NRG1: variants seen among roughly 807,000 people sequenced by gnomAD.
NRG1 encodes neuregulin 1.
In NRG1, 18 loss-of-function variants were observed where a neutral mutation model predicts 63.8. The ratio of observed to expected loss-of-function variants is 0.28; its 90% CI spans 0.19 to 0.42. NRG1 has a LOEUF of 0.42. Ranked by LOEUF, NRG1 falls within the 10% of genes least tolerant of loss-of-function variation. The pLI, the probability that NRG1 is intolerant of heterozygous loss-of-function variation, is 1.00. For synonymous variants in NRG1, 302 were observed against 301.3 expected (o/e 1.00, Z -0.02); for missense variants, 762 against 814.7 (o/e 0.94, Z 0.79).
chr8:32,670,494 T>C (rs1805354996), intron 5 of NRG1, among the ~76,000 whole-genome samples: 1 of 152,038 alleles, frequency 6.6e-6, no homozygotes, highest in Non-Finnish European at 1.5e-5. Context: ...ATTCCGTTCT[T>C]ATCCACTCTC....
intron 1 of NRG1, among the ~76,000 whole-genome samples, chr8:31,924,974 G>A (rs946689540): frequency 6.6e-6 from 1 of 151,408 alleles, no homozygotes; most frequent in African/African-American, 2.4e-5. Context: ...TGGATTGTAT[G>A]ATTTTGGTGC....
chr8:32,751,269 T>G (rs1360746672), intron 7 of NRG1: 2 of 152,120 alleles, frequency 1.3e-5, no homozygotes, highest in African/African-American at 4.8e-5. Flanking sequence ...CTCAGAAAGG[T>G]AAGGGCTCTG....
At chr8:32,143,268 G>A (rs149560132) in intron 1 of NRG1, among the ~76,000 whole-genome samples, 1 of 152,060 alleles carries the variant, frequency 6.6e-6, no homozygotes, top group Non-Finnish European at 1.5e-5. Flanking sequence ...TAATTCACAT[G>A]TGCTAATATT....
chr8:32,190,723 AAGT>A (rs1842412378), intron 1 of NRG1, among the ~76,000 whole-genome samples: 2 of 152,290 alleles, frequency 1.3e-5, no homozygotes, highest in South Asian at 4.1e-4. Context: ...CCTAATGAGT[AAGT>A]CTACCACATG....
chr8:32,679,192 A>G (rs577638012), intron 5 of NRG1, among the ~76,000 whole-genome samples: 6 of 152,286 alleles, frequency 3.9e-5, no homozygotes, highest in Non-Finnish European at 7.4e-5. Flanking sequence ...TTCTAGACAA[A>G]TGACTGATTA....
intron 1 of NRG1, among the ~76,000 whole-genome samples, chr8:31,966,448 T>A (rs893071550): frequency 6.6e-6 from 1 of 152,244 alleles, no homozygotes; most frequent in Non-Finnish European, 1.5e-5. Context: ...TGAAGACATT[T>A]GATAGTTAGC....
intron 1 of NRG1, among the ~76,000 whole-genome samples, chr8:32,520,424 G>A (rs1340567511): frequency 6.6e-6 from 1 of 151,826 alleles, no homozygotes; most frequent in Non-Finnish European, 1.5e-5. Context: ...TTCTCAAAGA[G>A]CTGGGATTAC....
At chr8:32,657,503 G>A (rs1405683567) in intron 5 of NRG1, among the ~76,000 whole-genome samples, 1 of 152,126 alleles carries the variant, frequency 6.6e-6, no homozygotes, top group Non-Finnish European at 1.5e-5. Flanking sequence ...ATGGTTAGTG[G>A]GAGAGAGTGA....
intron 1 of NRG1, among the ~76,000 whole-genome samples, chr8:31,992,150 C>T (rs1431748340): frequency 6.6e-6 from 1 of 151,450 alleles, no homozygotes; most frequent in East Asian, 2.0e-4. Context: ...GCCTGAGCAA[C>T]ATAGTGAGAT....
At chr8:32,526,689 C>T (rs957844804) in intron 1 of NRG1, among the ~76,000 whole-genome samples, 1 of 152,192 alleles carries the variant, frequency 6.6e-6, no homozygotes, top group African/African-American at 2.4e-5. Context: ...CCATCTTGCA[C>T]AATCCAGTGA....
At chr8:32,251,537 T>A (rs1421249064) in intron 1 of NRG1, among the ~76,000 whole-genome samples, 2 of 152,212 alleles carry the variant, frequency 1.3e-5, no homozygotes, top group African/African-American at 4.8e-5. Flanking sequence ...TGTGTCTTTA[T>A]AATAGAGTGA....
chr8:32,567,687 C>T lies in NRG1; in HGVS notation c.100+18861C>T, dbSNP rs114133674. ...TGTTGTGTTTTATTGCCCTGGCACTCTTAAGTTGCTGTTTCACCCTAGCAG... is the reference window on the plus strand; with the variant it reads ...TGTTGTGTTTTATTGCCCTGGCACTTTTAAGTTGCTGTTTCACCCTAGCAG... On this transcript the variant is annotated intron_variant, in intron 1 of 11. Transcript: ENST00000356819. Among the ~76,000 whole-genome samples the T allele has an allele frequency of 8.7e-3, 1,322 of 152,318 alleles. 17 individuals carry two copies. The highest frequency in any genetic ancestry group is 0.029 in the African/African-American group (1,213 of 41,570).
At chr8:32,058,368 C>A (rs1823310674) in intron 1 of NRG1, among the ~76,000 whole-genome samples, 1 of 151,960 alleles carries the variant, frequency 6.6e-6, no homozygotes, top group African/African-American at 2.4e-5. Context: ...CCTGGCACAA[C>A]ACATGCATTG....
intron 1 of NRG1, among the ~76,000 whole-genome samples, chr8:31,834,243 A>G (rs75060108): frequency 0.014 from 2,054 of 151,794 alleles, 57 homozygotes; most frequent in African/African-American, 0.047. Context: ...ACTTGGTAAT[A>G]CTGTTCATCT....
At chr8:31,958,440 G>A (rs327400) in intron 1 of NRG1, among the ~76,000 whole-genome samples, 3,261 of 152,242 alleles carry the variant, frequency 0.021, 106 homozygotes, top group African/African-American at 0.074. Flanking sequence ...TTCCCATTGT[G>A]TGGCTCTGTT....
chr8:31,975,388 G>T (rs1808001936), intron 1 of NRG1, among the ~76,000 whole-genome samples: 1 of 152,088 alleles, frequency 6.6e-6, no homozygotes, highest in Non-Finnish European at 1.5e-5. Context: ...TGGGGAAGGG[G>T]TTATGTTCTG....
intron 1 of NRG1, among the ~76,000 whole-genome samples, chr8:32,173,994 T>G (rs530631530): frequency 6.6e-6 from 1 of 152,116 alleles, no homozygotes; most frequent in Non-Finnish European, 1.5e-5. Flanking sequence ...GCAGACCTAA[T>G]AGACATCTAC....
intron 1 of NRG1, among the ~76,000 whole-genome samples, chr8:31,741,739 A>G (rs1402099509): frequency 2.0e-5 from 3 of 152,018 alleles, no homozygotes; most frequent in Admixed American, 1.3e-4. Flanking sequence ...ATGAGAAGCA[A>G]TACTGCTTTG....
chr8:32,628,949 G>C (rs1340612040), intron 5 of NRG1, among the ~76,000 whole-genome samples: 1 of 151,916 alleles, frequency 6.6e-6, no homozygotes, highest in Non-Finnish European at 1.5e-5. Flanking sequence ...GGCCAGGCTG[G>C]TCTCAAACTC....
Sources: gnomAD v4.1 joint callset for allele counts (sites outside exome capture counted in the v4.1 genomes callset) on GRCh38, gnomAD v4.1.1 for gene constraint, MANE v1.5 for transcripts, NCBI Gene and HGNC (gene_info 2026-07-23, HGNC 2026-07-21) for gene names.